The following DPYD variants were observed in gnomAD, a reference collection of about 807,000 sequenced individuals.
DPYD encodes dihydropyrimidine dehydrogenase.
DPYD carries 109 observed loss-of-function variants against 116.2 expected under a neutral mutation model. The observed-to-expected ratio is 0.94, with a 90% CI of 0.80 to 1.10. DPYD has a LOEUF of 1.10. Ranked by LOEUF, DPYD falls within the 50% of genes least tolerant of loss-of-function variation. The pLI, the probability that DPYD is intolerant of heterozygous loss-of-function variation, is 0.00. For missense variants in DPYD, 1,302 were observed against 1,254.5 expected (o/e 1.04, Z -0.57); for synonymous variants, 440 against 432.0 (o/e 1.02, Z -0.23).
intron 8 of DPYD, among the ~76,000 whole-genome samples, chr1:97,678,217 T>G (rs961130295): frequency 2.0e-5 from 3 of 152,102 alleles, no homozygotes; most frequent in Non-Finnish European, 4.4e-5. Context: ...CAATAGAGTT[T>G]GCACTCCTAT....
chr1:97,215,767 C>A (rs1291059130), intron 19 of DPYD, among the ~76,000 whole-genome samples: 2 of 152,140 alleles, frequency 1.3e-5, no homozygotes, highest in African/African-American at 4.8e-5. Context: ...CACTCCATCA[C>A]GTGACTGGCG....
At chr1:97,872,749 T>C (rs1571507181) in intron 2 of DPYD, among the ~76,000 whole-genome samples, 1 of 151,870 alleles carries the variant, frequency 6.6e-6, no homozygotes. Context: ...AACCAGACTA[T>C]AGAACTTTTC....
At chr1:97,612,852 T>G (rs190931090) in intron 8 of DPYD, among the ~76,000 whole-genome samples, 3 of 152,130 alleles carry the variant, frequency 2.0e-5, no homozygotes, top group African/African-American at 7.2e-5. Context: ...TTCCTTTCTA[T>G]GAGCATGTGC....
intron 13 of DPYD, among the ~76,000 whole-genome samples, chr1:97,503,541 T>C (rs1194735990): frequency 2.0e-5 from 3 of 151,976 alleles, no homozygotes; most frequent in Admixed American, 6.6e-5. Flanking sequence ...GTCGAAGCTT[T>C]CTCAGTCTGC....
At chr1:97,379,136 C>T (rs933247060) in intron 15 of DPYD, among the ~76,000 whole-genome samples, 1 of 152,012 alleles carries the variant, frequency 6.6e-6, no homozygotes, top group African/African-American at 2.4e-5. Context: ...AGGCTCAGGA[C>T]TGAGGAAGAG....
chr1:97,872,855 G>A (rs1671727751), intron 2 of DPYD, among the ~76,000 whole-genome samples: 1 of 151,754 alleles, frequency 6.6e-6, no homozygotes, highest in Non-Finnish European at 1.5e-5. Context: ...TCCAGTCTAC[G>A]ACTTCAGCCA....
At chr1:97,219,107 T>C (rs1415446107) in intron 19 of DPYD, among the ~76,000 whole-genome samples, 1 of 152,170 alleles carries the variant, frequency 6.6e-6, no homozygotes, top group Non-Finnish European at 1.5e-5. Flanking sequence ...CATTTTATAA[T>C]AAGCTTATAA....
chr1:97,600,828 T>G (rs1353060997), intron 8 of DPYD, among the ~76,000 whole-genome samples: 1 of 152,220 alleles, frequency 6.6e-6, no homozygotes, highest in Non-Finnish European at 1.5e-5. Context: ...ACAGTTTATA[T>G]TATTACATAT....
intron 18 of DPYD, among the ~76,000 whole-genome samples, chr1:97,281,352 G>A (rs1486827045): frequency 6.6e-6 from 1 of 151,672 alleles, no homozygotes; most frequent in Non-Finnish European, 1.5e-5. Flanking sequence ...CAGATCACAA[G>A]AGATAAAGAG....
At chr1:97,461,260 C>T (rs985885130) in intron 13 of DPYD, among the ~76,000 whole-genome samples, 2 of 152,114 alleles carry the variant, frequency 1.3e-5, no homozygotes, top group African/African-American at 4.8e-5. Context: ...ATTTGGCACT[C>T]CTTAGAGTCT....
intron 16 of DPYD, among the ~76,000 whole-genome samples, chr1:97,340,163 T>C (rs936037656): frequency 2.0e-5 from 3 of 151,950 alleles, no homozygotes; most frequent in Non-Finnish European, 4.4e-5. Context: ...AAATAGGTCA[T>C]TTACCACTAT....
At chr1:97,306,380 G>A (rs1558015451) in intron 16 of DPYD, 83 bp from the exon 17 acceptor site, 3 of 1,571,850 alleles carry the variant, frequency 1.9e-6, no homozygotes, top group East Asian at 2.3e-5. Flanking sequence ...CAAAGCTGGA[G>A]ACGTGCAAGA....
intron 1 of DPYD, among the ~76,000 whole-genome samples, chr1:97,891,268 G>A (rs1006226443): frequency 1.3e-5 from 2 of 151,894 alleles, no homozygotes; most frequent in Non-Finnish European, 2.9e-5. Context: ...CTCTCTGGAT[G>A]AATTGAGCAC....
chr1:97,440,225 T>C (rs150596139), intron 14 of DPYD, among the ~76,000 whole-genome samples: 183 of 150,524 alleles, frequency 1.2e-3, no homozygotes, highest in Admixed American at 2.9e-3. Context: ...TATCACACCA[T>C]TGCACTCCAG....
intron 2 of DPYD, among the ~76,000 whole-genome samples, chr1:97,879,447 C>A (rs1672079188): frequency 6.6e-6 from 1 of 151,778 alleles, no homozygotes; most frequent in Non-Finnish European, 1.5e-5. Flanking sequence ...TCAAAAATTG[C>A]TCAGGAAAAA....
At chr1:97,228,691 T>C (rs1239902064) in intron 19 of DPYD, among the ~76,000 whole-genome samples, 1 of 152,186 alleles carries the variant, frequency 6.6e-6, no homozygotes, top group Non-Finnish European at 1.5e-5. Flanking sequence ...TGGTTATACC[T>C]GCTATAAAGA....
chr1:97,903,268 G>A (rs760999303), intron 1 of DPYD, among the ~76,000 whole-genome samples: 7 of 151,740 alleles, frequency 4.6e-5, no homozygotes, highest in African/African-American at 7.3e-5. Context: ...AAATAGCTCC[G>A]ATTTCTTTTG....
intron 1 of DPYD, chr1:97,883,823 CTT>C (rs772593934): frequency 1.7e-5 from 6 of 359,756 alleles, no homozygotes; most frequent in Admixed American, 7.4e-5. Context: ...GGAAAGAAAA[CTT>C]AGGAATCACA....
At chr1:97,823,959 G>T (rs987999365) in intron 3 of DPYD, among the ~76,000 whole-genome samples, 1 of 141,472 alleles carries the variant, frequency 7.1e-6, no homozygotes, top group Non-Finnish European at 1.5e-5. Context: ...CTGGGTGATT[G>T]AACATGTCCT....
Sources: gnomAD v4.1 joint callset for allele counts (sites outside exome capture counted in the v4.1 genomes callset) on GRCh38, gnomAD v4.1.1 for gene constraint, MANE v1.5 for transcripts, NCBI Gene and HGNC (gene_info 2026-07-23, HGNC 2026-07-21) for gene names.